SASH1: variants seen among roughly 807,000 people sequenced by gnomAD.
SASH1 encodes the protein SAM and SH3 domain containing 1.
SASH1 carries 44 observed loss-of-function variants against 125.2 expected under a neutral mutation model. That is an observed-to-expected ratio of 0.35 (90% CI 0.28 to 0.45). The LOEUF (loss-of-function observed/expected upper bound fraction) is 0.45. SASH1 is among the 20% of genes least tolerant of loss of function. The probability of loss-of-function intolerance (pLI) is 1.00; values close to 1 mark genes in which losing one functional copy is unlikely to be tolerated. For missense variants in SASH1, 1,426 were observed against 1,614.5 expected (o/e 0.88, Z 2.00); for synonymous variants, 639 against 649.1 (o/e 0.98, Z 0.24).
chr6:148,330,409 G>C (rs1780958223), intron 1 of SASH1, among the ~76,000 whole-genome samples: 4 of 152,142 alleles, frequency 2.6e-5, no homozygotes, highest in Admixed American at 2.6e-4. Flanking sequence ...CCATGTTTAA[G>C]AGCAAGAGAG....
intron 10 of SASH1, among the ~76,000 whole-genome samples, chr6:148,524,117 A>C (rs368418992): frequency 1.0e-5 from 1 of 95,284 alleles, no homozygotes; most frequent in South Asian, 3.6e-4. Flanking sequence ...ATATATATAT[A>C]TATATTTTTT....
intron 4 of SASH1, among the ~76,000 whole-genome samples, chr6:148,449,074 A>ATTTTTTTTTTTTTTT (rs1562419990): frequency 3.1e-5 from 1 of 32,746 alleles, no homozygotes; most frequent in Non-Finnish European, 6.4e-5. Flanking sequence ...ATTTCATTTC[A>ATTTTTTTTTTTTTTT]TTTCTTTTTT....
Position 148,531,673 on chromosome 6 carries a change from TTG to T in SASH1, c.1564+14_1564+15del. ...GCAGAGCTCCATGAGTAAGTCGAGT[TTG>T]TCATTGTAGATTATTTTCTTTGGAG... On this transcript the variant is annotated intron_variant, in intron 13 of 19. Transcript: ENST00000367467. 6.7e-7 allele frequency: 1 copy of T among 1,498,284 alleles called. No homozygotes were observed. The highest frequency in any genetic ancestry group is 8.9e-7 in the Non-Finnish European group (1 of 1,122,354). The allele number at this position is 1,498,284 out of a possible 1,614,324, so 92.8% of individuals were successfully genotyped here.
intron 8 of SASH1, chr6:148,509,266 C>T (rs537782480): frequency 4.6e-6 from 1 of 218,450 alleles, no homozygotes; most frequent in African/African-American, 2.3e-5. Flanking sequence ...GTGACACAGC[C>T]GACCTAGAAA....
the SASH1 span, among the ~76,000 whole-genome samples, chr6:148,261,811 T>C: frequency 1.3e-5 from 2 of 151,516 alleles, no homozygotes; most frequent in Admixed American, 6.6e-5. Context: ...AAACAAGGAG[T>C]AGAAAAGGCA....
intron 8 of SASH1, among the ~76,000 whole-genome samples, chr6:148,498,917 T>C (rs1490883926): frequency 2.6e-5 from 4 of 152,202 alleles, no homozygotes; most frequent in African/African-American, 7.2e-5. Flanking sequence ...CCAGGCACTA[T>C]TGTTATTCGT....
intron 1 of SASH1, among the ~76,000 whole-genome samples, chr6:148,320,884 T>A (rs1409329838): frequency 6.6e-6 from 1 of 152,216 alleles, no homozygotes; most frequent in African/African-American, 2.4e-5. Context: ...ATAGTCTGAG[T>A]CCAGTTTAGC....
intron 1 of SASH1, among the ~76,000 whole-genome samples, chr6:148,305,683 C>A (rs1256956710): frequency 1.3e-5 from 2 of 150,416 alleles, no homozygotes; most frequent in African/African-American, 4.9e-5. Context: ...CTCTTTCAGT[C>A]AGGATTCAGC....
At position 148,551,681 on chromosome 6, in the gene SASH1, A is replaced by C. The variant is rs535932448; in HGVS notation, c.*3123A>C. 6.5e-6 allele frequency: 1 copy of C among 152,744 alleles called. No homozygotes were observed. The highest frequency in any genetic ancestry group is 2.1e-4 in the South Asian group (1 of 4,826). 9.5% of individuals were successfully genotyped at this position (152,744 alleles called of 1,614,324 possible). On this transcript the variant is annotated 3_prime_UTR_variant, in exon 20 of 20. Transcript: ENST00000367467. ...CTGTATTATTTTCAGAAAAAAATAT[A>C]ATAGTCTGAGTCCAAGTTATCTTGA...
At chr6:148,457,070 A>G (rs1777393940) in intron 4 of SASH1, among the ~76,000 whole-genome samples, 1 of 151,290 alleles carries the variant, frequency 6.6e-6, no homozygotes, top group Non-Finnish European at 1.5e-5. Flanking sequence ...CAAAAAAAAA[A>G]AAAACCTAAG....
At position 148,533,331 on chromosome 6, in the gene SASH1, C is replaced by A. The variant is rs1194675350; in HGVS notation, c.1734+365C>A. 1.3e-5 allele frequency among the ~76,000 whole-genome samples: 2 copies of A among 152,152 alleles called. No individual in the cohort carries two copies. Among genetic ancestry groups the A allele is most frequent in the Non-Finnish European group, 2.9e-5 (2 of 68,032 alleles). ...CTGCCTTCTGTGTGCTCAGAGGTAC[C>A]TTTATGGGACAGATGGGGTTCCACA... On this transcript the variant is annotated intron_variant, in intron 14 of 19. Transcript: ENST00000367467. This position sits in a 1 kb window ranked among gnomAD's most constrained non-coding sequence, Gnocchi z 6.2.
At chr6:148,547,473 T>C (rs1782639369) in intron 19 of SASH1, among the ~76,000 whole-genome samples, 2 of 152,112 alleles carry the variant, frequency 1.3e-5, no homozygotes, top group African/African-American at 4.8e-5. Context: ...AGCAAAACCA[T>C]GGATAAGCAG....
At chr6:148,376,114 G>T (rs759617742) in intron 1 of SASH1, among the ~76,000 whole-genome samples, 13 of 152,138 alleles carry the variant, frequency 8.5e-5, no homozygotes, top group Non-Finnish European at 1.3e-4. Context: ...ACCCAGGCTG[G>T]AGTGCAGTGG....
At chr6:148,471,561 C>CACTGAGAT in intron 6 of SASH1, 58 bp downstream of exon 6, 1 of 1,021,914 alleles carries the variant, frequency 9.8e-7, no homozygotes, top group Non-Finnish European at 1.5e-6. Flanking sequence ...GGGAAGAATC[C>CACTGAGAT]TATGCGGCTA....
upstream of SASH1, among the ~76,000 whole-genome samples, chr6:148,340,367 C>T (rs1455203149): frequency 2.0e-5 from 3 of 151,894 alleles, no homozygotes; most frequent in East Asian, 5.8e-4. Flanking sequence ...CCTGTAATCC[C>T]AGCTACTCAG....
chr6:148,217,689 C>T, the SASH1 span, among the ~76,000 whole-genome samples: 2 of 151,828 alleles, frequency 1.3e-5, no homozygotes, highest in African/African-American at 4.8e-5. Flanking sequence ...GCACCAATAT[C>T]CTGAGGAAGG....
chr6:148,530,748 G>T (rs919007694), intron 12 of SASH1, among the ~76,000 whole-genome samples: 19 of 152,290 alleles, frequency 1.2e-4, no homozygotes, highest in Non-Finnish European at 1.3e-4. Flanking sequence ...GTCTATTGAT[G>T]TAGCACCACG....
chr6:148,453,574 T>C (rs1006836674), intron 4 of SASH1, among the ~76,000 whole-genome samples: 42 of 152,132 alleles, frequency 2.8e-4, no homozygotes, highest in African/African-American at 9.7e-4. Flanking sequence ...AGGGGCAGAC[T>C]GCTTCTCATC....
the SASH1 span, among the ~76,000 whole-genome samples, chr6:148,254,718 C>T: frequency 6.6e-6 from 1 of 152,108 alleles, no homozygotes; most frequent in Non-Finnish European, 1.5e-5. Context: ...TGAGTGTTAG[C>T]AGGAGTGTGG....
Sources: allele counts gnomAD v4.1 joint callset (sites outside exome capture counted in the v4.1 genomes callset), GRCh38; gene constraint gnomAD v4.1.1; non-coding constraint Gnocchi (gnomAD v3.1); transcripts MANE v1.5; gene names NCBI Gene and HGNC (gene_info 2026-07-23, HGNC 2026-07-21).